ELK3: variants seen among roughly 807,000 people sequenced by gnomAD.
ELK3 encodes the protein ETS domain-containing protein Elk-3.
Under a neutral mutation model 28.9 loss-of-function variants are expected in ELK3, and 10 were observed. The ratio of observed to expected loss-of-function variants is 0.35; its 90% confidence interval spans 0.21 to 0.59. The LOEUF is 0.59. Among genes scored for constraint, ELK3 ranks in the 20% least tolerant of loss-of-function variants. ELK3 has a pLI of 0.82. For synonymous variants in ELK3, 272 were observed against 243.5 expected (o/e 1.12, Z -1.09); for missense variants, 463 against 517.3 (o/e 0.90, Z 1.02).
At chr12:96,248,435 G>A (rs1005182504) in intron 3 of ELK3, among the ~76,000 whole-genome samples, 4 of 152,218 alleles carry the variant, frequency 2.6e-5, no homozygotes, top group Non-Finnish European at 4.4e-5. Flanking sequence ...GTGCAAAGGC[G>A]TAGTAGGTGC....
chr12:96,202,406 A>C (rs777061696), intron 1 of ELK3, among the ~76,000 whole-genome samples: 16 of 151,844 alleles, frequency 1.1e-4, no homozygotes, highest in Non-Finnish European at 1.8e-4. Flanking sequence ...ACCAATTTGT[A>C]GGCGTCTTTT....
intron 2 of ELK3, among the ~76,000 whole-genome samples, chr12:96,230,391 G>T (rs1324593741): frequency 6.6e-6 from 1 of 152,150 alleles, no homozygotes; most frequent in African/African-American, 2.4e-5. Flanking sequence ...TTTTTGTTTA[G>T]ATTTTTAAAA....
chr12:96,266,452 T>G (rs747604215), intron 4 of ELK3, among the ~76,000 whole-genome samples: 4 of 152,224 alleles, frequency 2.6e-5, no homozygotes, highest in Non-Finnish European at 5.9e-5. Flanking sequence ...ACTGTCATCC[T>G]ACTATATTTA....
At chr12:96,259,449 G>A (rs1951976879) in intron 3 of ELK3, among the ~76,000 whole-genome samples, 1 of 152,182 alleles carries the variant, frequency 6.6e-6, no homozygotes, top group Non-Finnish European at 1.5e-5. Flanking sequence ...GGGAGGCTGA[G>A]GCAGGAGAAT....
intron 1 of ELK3, among the ~76,000 whole-genome samples, chr12:96,218,793 C>T (rs564507973): frequency 1.5e-4 from 23 of 151,780 alleles, no homozygotes; most frequent in African/African-American, 3.6e-4. Context: ...GGACCACAGG[C>T]GCCCGCCACC....
intron 1 of ELK3, among the ~76,000 whole-genome samples, chr12:96,220,579 G>A (rs1220466216): frequency 4.0e-5 from 6 of 151,660 alleles, no homozygotes; most frequent in Non-Finnish European, 5.9e-5. Flanking sequence ...AGTAGAGATG[G>A]GATTTCATCA....
intron 3 of ELK3, among the ~76,000 whole-genome samples, chr12:96,252,426 C>T (rs1235510882): frequency 6.6e-6 from 1 of 151,998 alleles, no homozygotes; most frequent in Non-Finnish European, 1.5e-5. Flanking sequence ...GATAGTGATT[C>T]CTCTGATGGA....
In ELK3 at chr12:96,268,024, A is replaced by G. The variant is rs1952052552; in HGVS notation, c.*844A>G. ...TAGCATATTCTTATTTCAAAAAATT[A>G]GCCCTGGTTTTCTCAGTTTTCCATA... On this transcript the variant is annotated 3_prime_UTR_variant, in exon 5 of 5. Coordinates refer to ENST00000228741, the MANE Select transcript of ELK3 (RefSeq NM_005230.4). 2 of 152,334 alleles carry G rather than the reference A, an allele frequency of 1.3e-5. No individual in the cohort carries two copies. The highest frequency in any genetic ancestry group is 2.1e-4 in the South Asian group (1 of 4,830). The allele number at this position is 152,334 out of a possible 1,614,324, so 9.4% of individuals were successfully genotyped here. A position where few individuals can be genotyped will look rare whatever the true frequency, so the allele number is the denominator to read the frequency against.
In ELK3 at chr12:96,194,481, T is replaced by G. The variant is rs1951446651; in HGVS notation, c.-227T>G. Reference sequence around the variant, plus strand: ...GCACACCGCCTGGGGAATAATGCAGTAAAGGAAGTGAGCCGGCTCGGCCTG... The same window carrying G: ...GCACACCGCCTGGGGAATAATGCAGGAAAGGAAGTGAGCCGGCTCGGCCTG... On this transcript the variant is annotated 5_prime_UTR_variant, in exon 1 of 5. It removes the in-frame stop codon of an upstream open reading frame in the 5' UTR. Transcript: ENST00000228741. 1 of 148,544 alleles carries G rather than the reference T, an allele frequency of 6.7e-6. No homozygotes were observed. The highest frequency in any genetic ancestry group is 1.5e-5 in the Non-Finnish European group (1 of 67,144). 9.2% of individuals were successfully genotyped at this position (148,544 alleles called of 1,614,324 possible).
At chr12:96,258,168 C>A (rs1951965819) in intron 3 of ELK3, among the ~76,000 whole-genome samples, 3 of 152,238 alleles carry the variant, frequency 2.0e-5, no homozygotes, top group Admixed American at 2.0e-4. Flanking sequence ...GAGATTGGAA[C>A]CCTGGCAGAG....
chr12:96,268,956 GA>G lies in ELK3; in HGVS notation c.*1778del, dbSNP rs1264938166. 1 of 97,498 alleles carries G rather than the reference GA, an allele frequency of 1.0e-5. No homozygotes were observed. The highest frequency in any genetic ancestry group is 1.6e-4 in the Admixed American group (1 of 6,360). 6.0% of individuals were successfully genotyped at this position (97,498 alleles called of 1,614,324 possible). A position where few individuals can be genotyped will look rare whatever the true frequency, so the allele number is the denominator to read the frequency against. On this transcript the variant is annotated 3_prime_UTR_variant, in exon 5 of 5. Coordinates refer to ENST00000228741, the MANE Select transcript of ELK3 (RefSeq NM_005230.4). ...CCCCCACCCCCACCCCATAGGCTAA[GA>G]ATAATTCTGTACCAGAATAAAAGGA... is the stretch of plus-strand genomic sequence containing the variant.
rs773682124 is a variant in ELK3, at chr12:96,252,901, AG to A, written c.1002+5168del. Among the ~76,000 whole-genome samples, 343 of 152,366 alleles carry A rather than the reference AG, an allele frequency of 2.3e-3. 1 individual carries two copies. The highest frequency in any genetic ancestry group is 5.9e-3 in the Admixed American group (90 of 15,306). ...GAGGATTGACTCCAATTTTGAAAGAAGTTCTACTCTGGGTAAAATGCTATCA... is the reference window on the plus strand; with the variant it reads ...GAGGATTGACTCCAATTTTGAAAGAATTCTACTCTGGGTAAAATGCTATCA... On this transcript the variant is annotated intron_variant, in intron 3 of 4. Transcript: ENST00000228741.
intron 1 of ELK3, among the ~76,000 whole-genome samples, chr12:96,212,414 C>G (rs2137006332): frequency 6.6e-6 from 1 of 152,332 alleles, no homozygotes; most frequent in East Asian, 1.9e-4. Flanking sequence ...ATGTGAGACT[C>G]TGAGGGGGCC....
chr12:96,225,262 G>A (rs1270522635), intron 2 of ELK3, among the ~76,000 whole-genome samples: 4 of 152,158 alleles, frequency 2.6e-5, no homozygotes, highest in Non-Finnish European at 5.9e-5. Context: ...TTCAATCAAG[G>A]TATCAAAAAA....
intron 1 of ELK3, among the ~76,000 whole-genome samples, chr12:96,205,952 ATTTTC>A (rs1565777208): frequency 6.6e-6 from 1 of 152,182 alleles, no homozygotes; most frequent in Non-Finnish European, 1.5e-5. Flanking sequence ...GAGTGTTAAA[ATTTTC>A]TTTAAGTGTA....
intron 2 of ELK3, among the ~76,000 whole-genome samples, chr12:96,237,297 G>A (rs1951791668): frequency 6.6e-6 from 1 of 152,214 alleles, no homozygotes; most frequent in African/African-American, 2.4e-5. Context: ...ATAGCTGGGT[G>A]TGGCGGCTCA....
chr12:96,221,595 G>C (rs1287423273), intron 1 of ELK3, among the ~76,000 whole-genome samples: 2 of 152,202 alleles, frequency 1.3e-5, no homozygotes, highest in Admixed American at 1.3e-4. Context: ...TGCGACAACT[G>C]TTAGCCGTTC....
At chr12:96,210,454 C>G (rs922441909) in intron 1 of ELK3, among the ~76,000 whole-genome samples, 2 of 152,080 alleles carry the variant, frequency 1.3e-5, no homozygotes, top group African/African-American at 4.8e-5. Flanking sequence ...TCTCATGATT[C>G]GTTTCGTGAT....
At chr12:96,197,475 A>G (rs1331507079) in intron 1 of ELK3, among the ~76,000 whole-genome samples, 1 of 152,264 alleles carries the variant, frequency 6.6e-6, no homozygotes, top group African/African-American at 2.4e-5. Flanking sequence ...CAAATAGGAC[A>G]TTTAAAAGTC....
Sources: allele counts gnomAD v4.1 joint callset (sites outside exome capture counted in the v4.1 genomes callset), GRCh38; gene constraint gnomAD v4.1.1; transcripts MANE v1.5; gene names NCBI Gene and HGNC (gene_info 2026-07-23, HGNC 2026-07-21).